Variants in B4GALNT3 observed in about 807,000 individuals in gnomAD.
B4GALNT3 encodes beta-1,4-N-acetylgalactosaminyltransferase 3.
Under a neutral mutation model 120.2 loss-of-function variants are expected in B4GALNT3, and 86 were observed. The observed-to-expected ratio is 0.72, with a 90% CI of 0.60 to 0.86. The LOEUF (loss-of-function observed/expected upper bound fraction) is 0.86. B4GALNT3 is among the 40% of genes least tolerant of loss of function. The pLI, the probability that B4GALNT3 is intolerant of heterozygous loss-of-function variation, is 0.00. For missense variants in B4GALNT3, 1,167 were observed against 1,298.9 expected, an observed-to-expected ratio of 0.90 and a Z score of 1.56; for synonymous variants, 518 against 510.4, an observed-to-expected ratio of 1.01 and a Z score of -0.20.
chr12:488,151 A>G lies in B4GALNT3; in HGVS notation c.169+27606A>G, dbSNP rs1946308361. ...AATATTTAAACAGCTGAGAAGAAGA[A>G]AAAAAAAAAAAACCCCATCAACCTA... is the stretch of plus-strand genomic sequence containing the variant. On this transcript the variant is annotated intron_variant, in intron 1 of 19. Transcript: ENST00000266383. Among the ~76,000 whole-genome samples, 3 of 119,494 alleles carry G rather than the reference A, an allele frequency of 2.5e-5. No homozygotes were observed. The East Asian group carries it at 9.4e-4, about 38-fold the overall frequency. The allele number at this position is 119,494 out of a possible 152,430, so 78.4% of individuals were successfully genotyped here. A position where few individuals can be genotyped will look rare whatever the true frequency, so the allele number is the denominator to read the frequency against.
rs142795725 is a variant in B4GALNT3, at chr12:556,788, C to T, written c.2302C>T (p.Arg768Trp). 127 of 1,613,824 alleles carry T rather than the reference C, an allele frequency of 7.9e-5. No individual in the cohort carries two copies. The highest frequency in any genetic ancestry group is 5.7e-4 in the African/African-American group (43 of 75,054). ...HNRRRQVLNT[R>W]AQEPKLCWPQ... Reference sequence around the variant, plus strand: ...CCGTAGGAGACAGGTCCTGAATACCCGGGCCCAAGAGCCCAAGCTGTGCTG... The same window carrying T: ...CCGTAGGAGACAGGTCCTGAATACCTGGGCCCAAGAGCCCAAGCTGTGCTG... The change falls in exon 15 of 20, where the codon CGG (arginine) becomes TGG (tryptophan). Residue 768 changes from arginine to tryptophan, a missense_variant. Physicochemically the swap from Arg to Trp is moderately radical, Grantham distance 101. Coordinates refer to ENST00000266383, the MANE Select transcript of B4GALNT3 (RefSeq NM_173593.4).
intron 1 of B4GALNT3, among the ~76,000 whole-genome samples, chr12:496,593 C>T (rs1249081249): frequency 6.6e-6 from 1 of 151,816 alleles, no homozygotes; most frequent in Non-Finnish European, 1.5e-5. Context: ...AACAAGACTC[C>T]ATCTCAAAAA....
chr12:466,174 C>T (rs1364299821), intron 1 of B4GALNT3, among the ~76,000 whole-genome samples: 3 of 152,130 alleles, frequency 2.0e-5, no homozygotes, highest in Non-Finnish European at 2.9e-5. Flanking sequence ...GTTATAACTG[C>T]TTTGTAGCAC....
intron 1 of B4GALNT3, among the ~76,000 whole-genome samples, chr12:524,072 C>G (rs1449931392): frequency 6.6e-6 from 1 of 151,876 alleles, no homozygotes; most frequent in Non-Finnish European, 1.5e-5. Flanking sequence ...AAAACAAAAA[C>G]AAAAAAACAC....
At chr12:491,147 G>C (rs1031908706) in intron 1 of B4GALNT3, among the ~76,000 whole-genome samples, 3 of 152,086 alleles carry the variant, frequency 2.0e-5, no homozygotes, top group African/African-American at 7.2e-5. Context: ...TTAGCAAATT[G>C]AATCCAACAT....
intron 1 of B4GALNT3, among the ~76,000 whole-genome samples, chr12:526,795 T>G (rs572491061): frequency 5.9e-5 from 9 of 152,250 alleles, no homozygotes; most frequent in African/African-American, 1.9e-4. Context: ...AAATGGATAT[T>G]TACTGAGCTG....
chr12:528,594 T>C (rs915413277), intron 1 of B4GALNT3, among the ~76,000 whole-genome samples: 6 of 152,236 alleles, frequency 3.9e-5, no homozygotes, highest in Non-Finnish European at 8.8e-5. Flanking sequence ...CATTGGAGCA[T>C]TGGGTTTGCC....
chr12:515,494 G>A (rs1275089936), intron 1 of B4GALNT3, among the ~76,000 whole-genome samples: 1 of 152,186 alleles, frequency 6.6e-6, no homozygotes, highest in African/African-American at 2.4e-5. Context: ...ACCGCACCCA[G>A]CCTCAAAGGG....
intron 1 of B4GALNT3, among the ~76,000 whole-genome samples, chr12:525,104 T>TTATG (rs1380324484): frequency 6.6e-6 from 1 of 151,760 alleles, no homozygotes; most frequent in East Asian, 1.9e-4. Context: ...ATTTATTTAT[T>TTATG]TATTTATTTA....
At chr12:541,997 C>G (rs1394605049) in intron 3 of B4GALNT3, among the ~76,000 whole-genome samples, 2 of 152,086 alleles carry the variant, frequency 1.3e-5, no homozygotes, top group East Asian at 3.9e-4. Flanking sequence ...ACAGCTGAGT[C>G]TTATAAACTG....
chr12:503,945 T>A (rs1454422313), intron 1 of B4GALNT3, among the ~76,000 whole-genome samples: 1 of 151,918 alleles, frequency 6.6e-6, no homozygotes, highest in Non-Finnish European at 1.5e-5. Context: ...TGAAACCCCG[T>A]CTCTACCAAA....
intron 1 of B4GALNT3, among the ~76,000 whole-genome samples, chr12:533,262 T>A (rs1451540095): frequency 6.6e-6 from 1 of 152,108 alleles, no homozygotes; most frequent in Non-Finnish European, 1.5e-5. Flanking sequence ...AAATGGAGGG[T>A]ATAGTCTGGG....
Position 472,406 on chromosome 12 carries a change from A to G in B4GALNT3, c.169+11861A>G, listed in dbSNP as rs555184570. On this transcript the variant is annotated intron_variant, in intron 1 of 19. Transcript: ENST00000266383. ...AACAATCACCCCACCTCAGCCTCCCAAGTAGGCAAGACTGCAGGTGCATGC... is the reference window on the plus strand; with the variant it reads ...AACAATCACCCCACCTCAGCCTCCCGAGTAGGCAAGACTGCAGGTGCATGC... Among the ~76,000 whole-genome samples, 294 of 150,414 alleles carry G rather than the reference A, an allele frequency of 2.0e-3. 1 individual carries two copies. The highest frequency in any genetic ancestry group is 0.01 in the Middle Eastern group (3 of 294).
Position 460,517 on chromosome 12 carries a change from C to G in B4GALNT3, c.141C>G (p.Ala47=). 3 of 1,558,100 alleles carry G rather than the reference C, an allele frequency of 1.9e-6. No individual in the cohort carries two copies. The highest frequency in any genetic ancestry group is 2.6e-6 in the Non-Finnish European group (3 of 1,150,610). Residue 47 remains alanine (A), a synonymous_variant, in exon 1 of 20, where the codon GCC becomes GCG. Transcript: ENST00000266383. The surrounding 1 kb of genome is among the most constrained non-coding windows in gnomAD (Gnocchi z 8.0). ...TGTATCTGGAACTGGTGGCGTCGGC[C>G]CAGGTCGGCGGGAACCCCCTGAACC... The part of the protein sequence containing the change: ...WTLYLELVAS[A]QVGGNPLNRR...
intron 1 of B4GALNT3, among the ~76,000 whole-genome samples, chr12:464,266 G>C (rs1010401514): frequency 1.3e-5 from 2 of 152,196 alleles, no homozygotes; most frequent in African/African-American, 4.8e-5. Flanking sequence ...TCTCCAATTA[G>C]GCAGGTTTTC....
chr12:468,280 T>C (rs989772359), intron 1 of B4GALNT3, among the ~76,000 whole-genome samples: 1 of 152,200 alleles, frequency 6.6e-6, no homozygotes, highest in Non-Finnish European at 1.5e-5. Flanking sequence ...AAGCAGATGT[T>C]GGATTCCAGG....
intron 1 of B4GALNT3, among the ~76,000 whole-genome samples, chr12:523,221 C>T (rs893860722): frequency 2.0e-5 from 3 of 152,124 alleles, no homozygotes; most frequent in Non-Finnish European, 2.9e-5. Flanking sequence ...TCGTGACCAG[C>T]AGATGCCTAA....
chr12:465,691 G>T (rs910699741), intron 1 of B4GALNT3, among the ~76,000 whole-genome samples: 4 of 152,104 alleles, frequency 2.6e-5, no homozygotes, highest in Admixed American at 2.6e-4. Context: ...TCTTTACCCT[G>T]CCTACTACCC....
intron 12 of B4GALNT3, 140 bp from the exon 13 acceptor site, chr12:552,326 CA>C (rs1947093214): frequency 5.3e-5 from 47 of 894,482 alleles, no homozygotes; most frequent in South Asian, 5.1e-4. Flanking sequence ...CACACACACA[CA>C]CACACACACC....
Sources: allele counts gnomAD v4.1 joint callset (sites outside exome capture counted in the v4.1 genomes callset), GRCh38; gene constraint gnomAD v4.1.1; non-coding constraint Gnocchi (gnomAD v3.1); transcripts MANE v1.5; gene names NCBI Gene and HGNC (gene_info 2026-07-23, HGNC 2026-07-21).